The following PCDHA2 variants were observed in gnomAD, a reference collection of about 807,000 sequenced individuals.
The protein encoded by PCDHA2 is protocadherin alpha 2.
PCDHA2 carries 58 observed loss-of-function variants against 66.0 expected under a neutral mutation model. That is an observed-to-expected ratio of 0.88 (90% CI 0.71 to 1.09). PCDHA2 has a LOEUF of 1.09. Among genes scored for constraint, PCDHA2 ranks in the 50% least tolerant of loss-of-function variants. The pLI is 0.00. For missense variants in PCDHA2, 1,267 were observed against 1,242.3 expected, an observed-to-expected ratio of 1.02 and a Z score of -0.30; for synonymous variants, 634 against 554.0, an observed-to-expected ratio of 1.14 and a Z score of -2.03.
At chr5:140,864,639 A>C (rs2048553058) in intron 1 of PCDHA2, 1 of 152,238 alleles carries the variant, frequency 6.6e-6, no homozygotes, top group South Asian at 2.1e-4. Flanking sequence ...ACAAAACAAA[A>C]CAATGTCAGC....
chr5:140,795,862 G>C lies in PCDHA2; in HGVS notation c.898G>C (p.Gly300Arg), dbSNP rs562047607. The change falls in exon 1 of 4, where the codon GGG (glycine) becomes CGG (arginine). Residue 300 changes from glycine to arginine, a missense_variant. Coordinates refer to ENST00000526136, the MANE Select transcript of PCDHA2 (RefSeq NM_018905.3). Reference sequence around the variant, plus strand: ...TAAGTTTACCATAGATCCCATCTCAGGGGAAATCAGAACTAAGGGAAAATT... The same window carrying C: ...TAAGTTTACCATAGATCCCATCTCACGGGAAATCAGAACTAAGGGAAAATT... Reference protein sequence around the residue: ...QTKFTIDPISGEIRTKGKLDY... With the variant: ...QTKFTIDPISREIRTKGKLDY... 4 of 1,613,944 alleles carry C rather than the reference G, an allele frequency of 2.5e-6. No individual in the cohort carries two copies. The highest frequency in any genetic ancestry group is 2.7e-5 in the African/African-American group (2 of 75,020).
intron 1 of PCDHA2, among the ~76,000 whole-genome samples, chr5:140,941,250 T>TCCTTCCTTC (rs1441496906): frequency 7.2e-6 from 1 of 139,474 alleles, no homozygotes; most frequent in East Asian, 2.1e-4. Context: ...TTTCTTTCTT[T>TCCTTCCTTC]CTTTCTCTTT....
At chr5:140,834,878 C>G in intron 1 of PCDHA2, 1 of 1,607,956 alleles carries the variant, frequency 6.2e-7, no homozygotes, top group Non-Finnish European at 8.5e-7. Context: ...TCGGGGAGAA[C>G]GCCCTGCTCA....
chr5:140,926,763 C>T, intron 1 of PCDHA2: 1 of 1,327,892 alleles, frequency 7.5e-7, no homozygotes, highest in African/African-American at 1.5e-5. Flanking sequence ...GCTGAGTATC[C>T]AGCCCGCAGC....
At chr5:140,936,959 A>C (rs2091230080) in intron 1 of PCDHA2, among the ~76,000 whole-genome samples, 1 of 152,174 alleles carries the variant, frequency 6.6e-6, no homozygotes, top group Non-Finnish European at 1.5e-5. Flanking sequence ...TCTTTATTGA[A>C]TCTATAAAAA....
At chr5:140,979,525 T>A (rs1347519268) in intron 2 of PCDHA2, among the ~76,000 whole-genome samples, 1 of 152,244 alleles carries the variant, frequency 6.6e-6, no homozygotes, top group Non-Finnish European at 1.5e-5. Flanking sequence ...TGTTGCTATC[T>A]TATTGTCATC....
At chr5:140,986,371 G>C (rs1453761888) in intron 3 of PCDHA2, among the ~76,000 whole-genome samples, 1 of 152,116 alleles carries the variant, frequency 6.6e-6, no homozygotes, top group Non-Finnish European at 1.5e-5. Flanking sequence ...AATGCGTTTT[G>C]GGGGGAGGGA....
intron 1 of PCDHA2, among the ~76,000 whole-genome samples, chr5:140,872,551 C>T (rs574173970): frequency 6.6e-6 from 1 of 152,178 alleles, no homozygotes; most frequent in East Asian, 1.9e-4. Flanking sequence ...CCCCTGAACC[C>T]AGGGGTTCAG....
intron 3 of PCDHA2, among the ~76,000 whole-genome samples, chr5:141,000,877 C>T (rs2097970762): frequency 6.6e-6 from 1 of 151,952 alleles, no homozygotes; most frequent in Non-Finnish European, 1.5e-5. Context: ...CATTGTACTC[C>T]AACCTGGGCA....
At chr5:140,829,846 G>T in intron 1 of PCDHA2, 1 of 1,613,940 alleles carries the variant, frequency 6.2e-7, no homozygotes, top group Non-Finnish European at 8.5e-7. Flanking sequence ...CGCGGTCACT[G>T]GGTGCAGGCC....
intron 1 of PCDHA2, chr5:140,928,060 T>C: frequency 6.2e-7 from 1 of 1,614,204 alleles, no homozygotes; most frequent in Non-Finnish European, 8.5e-7. Flanking sequence ...GCTGACGGCT[T>C]CCTTTGACAA....
intron 1 of PCDHA2, among the ~76,000 whole-genome samples, chr5:140,902,906 G>T (rs1047423029): frequency 9.2e-5 from 14 of 152,162 alleles, no homozygotes; most frequent in Admixed American, 3.3e-4. Context: ...TTAGTTTATG[G>T]CTGAGTAGTA....
chr5:140,846,373 CT>C (rs2150388509), intron 1 of PCDHA2, among the ~76,000 whole-genome samples: 2,055 of 55,084 alleles, frequency 0.037, 29 homozygotes, highest in African/African-American at 0.088. Flanking sequence ...TTCTTTCTTT[CT>C]TTTTTTTTTT....
chr5:140,852,781 G>C lies in PCDHA2; in HGVS notation c.2388+55429G>C, dbSNP rs1213399832. 14 of 979,508 alleles carry C rather than the reference G, an allele frequency of 1.4e-5. 1 individual carries two copies. The highest frequency in any genetic ancestry group is 6.3e-5 in the Admixed American group (1 of 15,846). 60.7% of individuals were successfully genotyped at this position (979,508 alleles called of 1,614,324 possible). ...GGTATCTGATTATTTGATGTGAATA[G>C]AGGGATGCTACAGATGTCATTTGTC... On this transcript the variant is annotated intron_variant, in intron 1 of 3. Coordinates refer to ENST00000526136, the MANE Select transcript of PCDHA2 (RefSeq NM_018905.3).
rs2150277995 is a variant in PCDHA2, at chr5:140,837,636, T to C, written c.2388+40284T>C. On this transcript the variant is annotated intron_variant, in intron 1 of 3. Coordinates refer to ENST00000526136, the MANE Select transcript of PCDHA2 (RefSeq NM_018905.3). ...TTGCCCCTTCCTTCCTTCCTTCCTTTCTTTCTTTCTTTCTTCCTTTTTCTT... is the reference window on the plus strand; with the variant it reads ...TTGCCCCTTCCTTCCTTCCTTCCTTCCTTTCTTTCTTTCTTCCTTTTTCTT... Among the ~76,000 whole-genome samples the C allele has an allele frequency of 1.4e-3, 182 of 134,336 alleles. 3 individuals are homozygous for C. Among genetic ancestry groups the C allele is most frequent in the African/African-American group, 3.6e-3 (92 of 25,542 alleles). The allele number at this position is 134,336 out of a possible 152,430, so 88.1% of individuals were successfully genotyped here.
At chr5:140,923,045 T>C (rs1554201134) in intron 1 of PCDHA2, among the ~76,000 whole-genome samples, 1 of 152,226 alleles carries the variant, frequency 6.6e-6, no homozygotes, top group Non-Finnish European at 1.5e-5. Context: ...ATGTATAGTA[T>C]TTAGAATAAA....
At chr5:140,969,661 G>A (rs2096351521) in intron 1 of PCDHA2, among the ~76,000 whole-genome samples, 2 of 152,166 alleles carry the variant, frequency 1.3e-5, no homozygotes, top group Non-Finnish European at 2.9e-5. Context: ...GTTTTAGGGA[G>A]TAATGTTATG....
chr5:140,803,607 T>C (rs201656415), intron 1 of PCDHA2: 1 of 1,614,172 alleles, frequency 6.2e-7, no homozygotes, highest in Non-Finnish European at 8.5e-7. Flanking sequence ...TAATTTTTAT[T>C]TATTCTTTCC....
intron 3 of PCDHA2, among the ~76,000 whole-genome samples, chr5:141,007,101 A>T (rs1412645072): frequency 6.6e-5 from 10 of 152,188 alleles, no homozygotes; most frequent in African/African-American, 1.7e-4. Flanking sequence ...TCTAGGGCCA[A>T]ACCCAAGGAA....
Sources: gnomAD v4.1 joint callset for allele counts (sites outside exome capture counted in the v4.1 genomes callset) on GRCh38, gnomAD v4.1.1 for gene constraint, MANE v1.5 for transcripts, NCBI Gene and HGNC (gene_info 2026-07-23, HGNC 2026-07-21) for gene names.